The following CPVL variants were observed in gnomAD, a reference collection of about 807,000 sequenced individuals.
CPVL encodes probable serine carboxypeptidase CPVL.
In CPVL, 51 loss-of-function variants were observed where a neutral mutation model predicts 63.7. The observed-to-expected ratio is 0.80, with a 90% confidence interval of 0.64 to 1.01. The LOEUF (loss-of-function observed/expected upper bound fraction) is 1.01. Ranked by LOEUF, CPVL falls within the 50% of genes least tolerant of loss-of-function variation. The pLI is 0.00. For missense variants in CPVL, 530 were observed against 573.1 expected, an observed-to-expected ratio of 0.92 and a Z score of 0.77; for synonymous variants, 195 against 206.0, an observed-to-expected ratio of 0.95 and a Z score of 0.46.
intron 1 of CPVL, among the ~76,000 whole-genome samples, chr7:29,188,801 G>C (rs534060071): frequency 6.8e-4 from 104 of 152,192 alleles, no homozygotes; most frequent in Non-Finnish European, 1.1e-3. Context: ...AGTCGTCACC[G>C]GCATGGATAA....
intron 7 of CPVL, among the ~76,000 whole-genome samples, chr7:29,074,987 A>G (rs1464407543): frequency 1.3e-5 from 2 of 152,104 alleles, no homozygotes; most frequent in Non-Finnish European, 2.9e-5. Flanking sequence ...ACACTTGATA[A>G]ATGAATGACT....
chr7:29,061,054 T>A (rs955509473), intron 11 of CPVL, among the ~76,000 whole-genome samples: 6 of 152,212 alleles, frequency 3.9e-5, no homozygotes, highest in African/African-American at 1.4e-4. Flanking sequence ...TGTTTCTTTA[T>A]GGAAATATGG....
Position 29,073,825 on chromosome 7 carries a change from C to T in CPVL, c.610-1402G>A, listed in dbSNP as rs775622409. On this transcript the variant is annotated intron_variant, in intron 7 of 12. Transcript: ENST00000265394. ...TTACTTGAGTCCACTATGACTGATGCGTATATTTGTTAGTGCTCAATAAAT... is the reference window on the plus strand; with the variant it reads ...TTACTTGAGTCCACTATGACTGATGTGTATATTTGTTAGTGCTCAATAAAT... Among the ~76,000 whole-genome samples, 133 of 152,192 alleles carry T rather than the reference C, an allele frequency of 8.7e-4. 1 individual carries two copies. Among genetic ancestry groups the T allele is most frequent in the Non-Finnish European group, 1.2e-3 (84 of 68,012 alleles).
chr7:29,024,871 G>A (rs908109121), intron 12 of CPVL, among the ~76,000 whole-genome samples: 6 of 152,122 alleles, frequency 3.9e-5, no homozygotes, highest in Admixed American at 2.0e-4. Flanking sequence ...GTGAAAAGAC[G>A]ATACCTACCA....
intron 1 of CPVL, among the ~76,000 whole-genome samples, chr7:29,187,826 CA>C (rs1255253950): frequency 6.6e-6 from 1 of 152,174 alleles, no homozygotes; most frequent in Admixed American, 6.5e-5. Flanking sequence ...ACCTGCCGTG[CA>C]GAATATAATT....
chr7:29,151,648 A>G (rs1486878290), intron 5 of CPVL, among the ~76,000 whole-genome samples: 2 of 152,178 alleles, frequency 1.3e-5, no homozygotes, highest in Non-Finnish European at 2.9e-5. Context: ...ATTATGATGA[A>G]CCTGCCAGTG....
At chr7:29,184,956 C>G (rs1373439422) in intron 3 of CPVL, among the ~76,000 whole-genome samples, 1 of 152,196 alleles carries the variant, frequency 6.6e-6, no homozygotes, top group Non-Finnish European at 1.5e-5. Context: ...ATACTTTCGC[C>G]TCTCTGTTGC....
intron 5 of CPVL, among the ~76,000 whole-genome samples, chr7:29,173,147 A>G (rs1796829532): frequency 1.3e-5 from 2 of 150,560 alleles, no homozygotes; most frequent in African/African-American, 4.9e-5. Flanking sequence ...AAAAAAAAAA[A>G]GCTGGATGAG....
chr7:29,088,390 T>C (rs1785417099), intron 6 of CPVL, among the ~76,000 whole-genome samples: 1 of 152,182 alleles, frequency 6.6e-6, no homozygotes, highest in African/African-American at 2.4e-5. Context: ...ATTCTCCAGC[T>C]CAAGTTCCAC....
At chr7:29,071,709 A>ACCCCCCCCCCCCC in intron 9 of CPVL, 64 bp downstream of exon 9, 1 of 472,932 alleles carries the variant, frequency 2.1e-6, no homozygotes, top group South Asian at 1.7e-5. Flanking sequence ...GTTCCTGCTC[A>ACCCCCCCCCCCCC]CCCGCCCTCC....
At chr7:29,181,599 A>G (rs1295889317) in intron 4 of CPVL, among the ~76,000 whole-genome samples, 2 of 152,256 alleles carry the variant, frequency 1.3e-5, no homozygotes, top group Non-Finnish European at 2.9e-5. Context: ...TTAGGAATCT[A>G]TAAGACATAG....
At chr7:29,083,444 C>T (rs886503778) in intron 7 of CPVL, among the ~76,000 whole-genome samples, 1 of 152,162 alleles carries the variant, frequency 6.6e-6, no homozygotes, top group Non-Finnish European at 1.5e-5. Context: ...CCACCTGGGT[C>T]CAGCTGGTGG....
intron 5 of CPVL, among the ~76,000 whole-genome samples, chr7:29,163,287 A>T (rs1401416657): frequency 1.3e-5 from 2 of 152,160 alleles, no homozygotes; most frequent in African/African-American, 4.8e-5. Context: ...AGTATGAAAA[A>T]CATTGTAAAA....
intron 5 of CPVL, among the ~76,000 whole-genome samples, chr7:29,164,501 T>G (rs1795632908): frequency 6.6e-6 from 1 of 152,032 alleles, no homozygotes; most frequent in Non-Finnish European, 1.5e-5. Context: ...GTGTTCAATT[T>G]TGGCCAGGCA....
chr7:29,090,591 AG>A (rs1411155329), intron 6 of CPVL, among the ~76,000 whole-genome samples: 2 of 152,246 alleles, frequency 1.3e-5, no homozygotes, highest in Non-Finnish European at 2.9e-5. Flanking sequence ...CTGTCTCACC[AG>A]CACCAAGAAC....
At chr7:29,012,802 C>T (rs551500997) in intron 12 of CPVL, 36 of 152,314 alleles carry the variant, frequency 2.4e-4, no homozygotes, top group African/African-American at 8.2e-4. Flanking sequence ...GGACAAAAGA[C>T]ATCATAGTTT....
At chr7:29,069,866 A>G (rs1231535557) in intron 9 of CPVL, among the ~76,000 whole-genome samples, 1 of 150,602 alleles carries the variant, frequency 6.6e-6, no homozygotes, top group Non-Finnish European at 1.5e-5. Flanking sequence ...ACCTATCTCC[A>G]GAGTACTCTC....
chr7:29,060,348 A>G (rs575767371), intron 11 of CPVL, among the ~76,000 whole-genome samples: 1 of 152,322 alleles, frequency 6.6e-6, no homozygotes, highest in African/African-American at 2.4e-5. Flanking sequence ...ATAGCCAGTG[A>G]CTGGTGTAAC....
At chr7:29,112,567 G>A in intron 3 of CPVL, 137 bp downstream of exon 3, 1 of 592,852 alleles carries the variant, frequency 1.7e-6, no homozygotes, top group East Asian at 2.8e-5. Context: ...CTTATTTTTA[G>A]AAAAACAAAA....
Sources: gnomAD v4.1 joint callset for allele counts (sites outside exome capture counted in the v4.1 genomes callset) on GRCh38, gnomAD v4.1.1 for gene constraint, MANE v1.5 for transcripts, NCBI Gene and HGNC (gene_info 2026-07-23, HGNC 2026-07-21) for gene names.